The following DNAH1 variants were observed in gnomAD, a reference collection of about 807,000 sequenced individuals.
DNAH1 encodes dynein axonemal heavy chain 1.
Under a neutral mutation model 484.3 loss-of-function variants are expected in DNAH1, and 327 were observed. That is an observed-to-expected ratio of 0.68 (90% CI 0.62 to 0.74). DNAH1 has a LOEUF of 0.74. Ranked by LOEUF, DNAH1 falls within the 30% of genes least tolerant of loss-of-function variation. DNAH1 has a pLI of 0.00. For missense variants in DNAH1, 5,052 were observed against 5,546.8 expected (o/e 0.91, Z 2.83); for synonymous variants, 2,192 against 2,191.9 (o/e 1.00, Z 0.00).
chr3:52,323,674 T>C (rs1701231018), intron 2 of DNAH1, 134 bp from the exon 3 acceptor site: 1 of 620,798 alleles, frequency 1.6e-6, no homozygotes, highest in South Asian at 2.0e-5. Flanking sequence ...TACTCACTGG[T>C]TCTGCCCACT....
chr3:52,323,935 C>G (rs986082733), intron 3 of DNAH1, 55 bp downstream of exon 3: 3 of 1,402,024 alleles, frequency 2.1e-6, no homozygotes, highest in Non-Finnish European at 3.0e-6. Context: ...TCAAAGCAGG[C>G]TTTTGGCCTC....
rs1422456857 is a variant in DNAH1 at position 52,361,289 on chromosome 3, T to C, written c.4811T>C (p.Val1604Ala). The C allele has an allele frequency of 1.9e-6, 3 of 1,611,024 alleles. No homozygotes were observed. Among genetic ancestry groups the C allele is most frequent in the African/African-American group, 2.7e-5 (2 of 75,012 alleles). Residue 1604 changes from valine (V) to alanine (A), a missense_variant, in exon 29 of 78, where the codon GTG becomes GCG. Physicochemically the swap from Val to Ala is moderately conservative, Grantham distance 64. Transcript: ENST00000420323. This position sits in a 1 kb window ranked among gnomAD's most constrained non-coding sequence, Gnocchi z 5.6. Reference sequence around the variant, plus strand: ...AAGGCCTTGGCCATACAGACCGTTGTGTTCAACTGCTCTGACCAGCTCGAC... The same window carrying C: ...AAGGCCTTGGCCATACAGACCGTTGCGTTCAACTGCTCTGACCAGCTCGAC... ...LGKALAIQTV[V>A]FNCSDQLDFM...
Position 52,396,533 on chromosome 3 carries a change from C to T in DNAH1, c.11425C>T (p.His3809Tyr). ...SLGEDFLNSC[H>Y]KVMEFKSLLL... ...TGGTGAAGACTTCCTCAACTCCTGC[C>T]ACAAGGTGAGGCACACTTGGTGCAG... The change falls in exon 71 of 78, where the codon CAC (histidine) becomes TAC (tyrosine). Residue 3809 changes from histidine (H) to tyrosine (Y), a missense_variant. Coordinates refer to ENST00000420323, the MANE Select transcript of DNAH1 (RefSeq NM_015512.5). 6.2e-7 allele frequency: 1 copy of T among 1,612,602 alleles called. No individual in the cohort carries two copies. The highest frequency in any genetic ancestry group is 8.5e-7 in the Non-Finnish European group (1 of 1,179,350).
intron 37 of DNAH1, among the ~76,000 whole-genome samples, chr3:52,369,501 C>T (rs946272028): frequency 6.6e-6 from 1 of 152,196 alleles, no homozygotes; most frequent in Non-Finnish European, 1.5e-5. Context: ...TCTATGTGCA[C>T]AGGGGTGGAG....
chr3:52,369,761 C>T lies in DNAH1; in HGVS notation c.5944-64C>T. The T allele has an allele frequency of 5.9e-6, 9 of 1,533,810 alleles. No individual in the cohort carries two copies. In the South Asian group the frequency reaches 1.1e-4, roughly 19 times the overall value. ...TGTGCAGCCCCTCCCCGCAGCCCTG[C>T]AGCCCTTTCTCCAGGCCTGAGGACT... is the stretch of plus-strand genomic sequence containing the variant. On this transcript the variant is annotated intron_variant, in intron 37 of 77. Transcript: ENST00000420323.
At chr3:52,357,545 G>A in intron 22 of DNAH1, 69 bp from the exon 23 acceptor site, 3 of 1,550,758 alleles carry the variant, frequency 1.9e-6, no homozygotes, top group Non-Finnish European at 1.7e-6. Context: ...TGGGTGCTCT[G>A]GGATGAGCCT....
rs377332875 is a variant in DNAH1 at position 52,388,790 on chromosome 3, G to A, written c.9364-16G>A. On this transcript the variant is annotated splice_polypyrimidine_tract_variant and intron_variant, in intron 58 of 77. Transcript: ENST00000420323. ...CCCAGCCTCCCAGAGCCCACCCCAC[G>A]GGGCTGCCCCTCCAGCTCATCAACG... The A allele has an allele frequency of 3.1e-6, 5 of 1,612,644 alleles. No individual in the cohort carries two copies. The highest frequency in any genetic ancestry group is 4.2e-6 in the Non-Finnish European group (5 of 1,179,770).
chr3:52,384,632 C>A (rs937193064), intron 52 of DNAH1, among the ~76,000 whole-genome samples, 154 bp from the exon 53 acceptor site: 4 of 152,202 alleles, frequency 2.6e-5, no homozygotes, highest in Non-Finnish European at 5.9e-5. Flanking sequence ...TGACCTCGAC[C>A]TGGAGGTCGT....
At chr3:52,383,021 C>G (rs1703924604) in intron 50 of DNAH1, among the ~76,000 whole-genome samples, 1 of 152,222 alleles carries the variant, frequency 6.6e-6, no homozygotes, top group Non-Finnish European at 1.5e-5. Context: ...AGGGAGGATG[C>G]CATCTAACAC....
chr3:52,349,491 A>G (rs904584552), intron 14 of DNAH1, 71 bp downstream of exon 14: 1 of 1,419,302 alleles, frequency 7.0e-7, no homozygotes, highest in Non-Finnish European at 9.8e-7. Context: ...GGACCCTCAC[A>G]TACATGGCAA....
chr3:52,323,758 C>G, intron 2 of DNAH1, 50 bp from the exon 3 acceptor site: 1 of 1,504,358 alleles, frequency 6.6e-7, no homozygotes, highest in African/African-American at 1.4e-5. Context: ...CGGGTCCTGC[C>G]TGTCCCTGGG....
In DNAH1 at chr3:52,395,133, T is replaced by C. The variant is rs1704562935; in HGVS notation, c.10968+74T>C. The C allele has an allele frequency of 1.3e-6, 2 of 1,541,514 alleles. No homozygotes were observed. Among genetic ancestry groups the C allele is most frequent in the Non-Finnish European group, 1.8e-6 (2 of 1,141,274 alleles). ...CCTGGGTCCCAGGGCCCTGGCTGCA[T>C]CTGGATAGACTACTTGGCCAGGCCA... On this transcript the variant is annotated intron_variant, in intron 68 of 77. Coordinates refer to ENST00000420323, the MANE Select transcript of DNAH1 (RefSeq NM_015512.5). This position sits in a 1 kb window ranked among gnomAD's most constrained non-coding sequence, Gnocchi z 4.4.
intron 45 of DNAH1, 72 bp from the exon 46 acceptor site, chr3:52,375,883 C>T (rs894903607): frequency 1.3e-6 from 2 of 1,563,430 alleles, no homozygotes; most frequent in Admixed American, 3.6e-5. Context: ...CCCCCACCAT[C>T]TCACCTGGCC....
intron 53 of DNAH1, 23 bp downstream of exon 53, chr3:52,385,000 G>A (rs773605287): frequency 1.6e-5 from 25 of 1,601,582 alleles, no homozygotes; most frequent in Middle Eastern, 1.7e-4. Flanking sequence ...GAGTCCCCGT[G>A]GACAAGGTCA....
Position 52,361,428 on chromosome 3 carries a change from A to G in DNAH1, c.4874+76A>G. The G allele has an allele frequency of 6.9e-7, 1 of 1,450,366 alleles. No homozygotes were observed. The highest frequency in any genetic ancestry group is 2.5e-5 in the East Asian group (1 of 39,998). 89.8% of individuals were successfully genotyped at this position (1,450,366 alleles called of 1,614,324 possible). A position where few individuals can be genotyped will look rare whatever the true frequency, so the allele number is the denominator to read the frequency against. ...TCCTTGGGGAGGGCTAGGTGAGGGC[A>G]GTGCCTGAGAGGGGCCTCGAAGGAT... On this transcript the variant is annotated intron_variant, in intron 29 of 77. Transcript: ENST00000420323. The surrounding 1 kb of genome is among the most constrained non-coding windows in gnomAD (Gnocchi z 5.6).
chr3:52,378,831 C>T, intron 47 of DNAH1, 51 bp downstream of exon 47: 1 of 1,598,600 alleles, frequency 6.3e-7, no homozygotes, highest in Non-Finnish European at 8.5e-7. Context: ...TCTCCGCATC[C>T]TCCCCAGCCC....
Position 52,399,000 on chromosome 3 carries a change from C to G in DNAH1, c.12240C>G (p.Tyr4080Ter). Residue 4080 changes from tyrosine to a stop codon, truncating the protein, a stop_gained, in exon 76 of 78, where the codon TAC becomes TAG. Transcript: ENST00000420323. LOFTEE classifies it high-confidence loss of function. ...TVPELWSAKA[Y>*]PSLKPLSSWV... is the part of the protein sequence containing the mutation. ...CTGAGCTCTGGAGTGCCAAGGCCTA[C>G]CCATCGCTCAAGCCTCTGTCATCAT... 1 of 1,613,974 alleles carries G rather than the reference C, an allele frequency of 6.2e-7. No individual in the cohort carries two copies. Among genetic ancestry groups the G allele is most frequent in the South Asian group, 1.1e-5 (1 of 91,084 alleles).
chr3:52,367,833 A>G (rs1258240345), intron 36 of DNAH1, among the ~76,000 whole-genome samples: 1 of 152,214 alleles, frequency 6.6e-6, no homozygotes. Flanking sequence ...TTGGCCTCCC[A>G]AAGTGCTGGG....
chr3:52,345,680 C>A lies in DNAH1; in HGVS notation c.1630C>A (p.Gln544Lys). The change falls in exon 10 of 78, where the codon CAG (glutamine) becomes AAG (lysine). Residue 544 changes from glutamine (Q) to lysine (K), a missense_variant. By Grantham distance (53) the Gln-to-Lys change is moderately conservative. Transcript: ENST00000420323. ...GTACAGCCACCTGGAGGAATTTGAG[C>A]AGATCCAGTCACAGACCTTCTCCCA... Reference protein sequence around the residue: ...SKYSHLEEFEQIQSQTFSQVQ... With the variant: ...SKYSHLEEFEKIQSQTFSQVQ... The A allele has an allele frequency of 1.9e-6, 3 of 1,613,040 alleles. No individual in the cohort carries two copies. The highest frequency in any genetic ancestry group is 2.5e-6 in the Non-Finnish European group (3 of 1,179,488).
Sources: gnomAD v4.1 joint callset for allele counts (sites outside exome capture counted in the v4.1 genomes callset) on GRCh38, gnomAD v4.1.1 for gene constraint, Gnocchi (gnomAD v3.1) non-coding constraint, MANE v1.5 for transcripts, NCBI Gene and HGNC (gene_info 2026-07-23, HGNC 2026-07-21) for gene names.